The following EPHA6 variants were observed in gnomAD, a reference collection of about 807,000 sequenced individuals.
EPHA6 encodes EPH receptor A6.
In EPHA6, 50 loss-of-function variants were observed where a neutral mutation model predicts 112.0. That is an observed-to-expected ratio of 0.45 (90% confidence interval 0.36 to 0.56). EPHA6 has a LOEUF of 0.56. Ranked by LOEUF, EPHA6 falls within the 20% of genes least tolerant of loss-of-function variation. The probability of loss-of-function intolerance (pLI) is 0.00; values close to 1 mark genes in which losing one functional copy is unlikely to be tolerated. For missense variants in EPHA6, 1,280 were observed against 1,417.4 expected, an observed-to-expected ratio of 0.90 and a Z score of 1.56; for synonymous variants, 529 against 490.7, an observed-to-expected ratio of 1.08 and a Z score of -1.03.
At chr3:96,924,118 C>T (rs1288817994) in intron 2 of EPHA6, among the ~76,000 whole-genome samples, 1 of 151,926 alleles carries the variant, frequency 6.6e-6, no homozygotes, top group Non-Finnish European at 1.5e-5. Flanking sequence ...GATTGTTTGG[C>T]CATTTGGGCT....
intron 3 of EPHA6, among the ~76,000 whole-genome samples, chr3:97,058,295 T>G (rs9880382): frequency 0.02 from 3,097 of 151,838 alleles, 56 homozygotes; most frequent in African/African-American, 0.049. Context: ...GAGTTTTTTT[T>G]TTGTTGTTGT....
chr3:97,007,326 C>G lies in EPHA6; in HGVS notation c.1114+19333C>G, dbSNP rs377766032. Among the ~76,000 whole-genome samples, 15 of 152,206 alleles carry G rather than the reference C, an allele frequency of 9.9e-5. No homozygotes were observed. In the East Asian group the frequency reaches 2.5e-3, roughly 25 times the overall value. ...TATATATTCAGAATAGTTAGCTCTT[C>G]TTGTTGAATTATTGCCTTTACCATT... On this transcript the variant is annotated intron_variant, in intron 3 of 17. Coordinates refer to ENST00000389672, the MANE Select transcript of EPHA6 (RefSeq NM_001080448.3).
intron 1 of EPHA6, among the ~76,000 whole-genome samples, chr3:96,840,515 C>T (rs1473096316): frequency 1.3e-5 from 2 of 151,972 alleles, no homozygotes; most frequent in Non-Finnish European, 1.5e-5. Flanking sequence ...GGCCTGTAGT[C>T]GTGAGCAAGA....
At chr3:96,898,460 T>C (rs1575966164) in intron 2 of EPHA6, among the ~76,000 whole-genome samples, 2 of 152,166 alleles carry the variant, frequency 1.3e-5, no homozygotes, top group South Asian at 2.1e-4. Context: ...CAGCTACCAC[T>C]TGTCTGACCT....
At chr3:97,138,917 T>A (rs577665781) in intron 3 of EPHA6, among the ~76,000 whole-genome samples, 1 of 152,264 alleles carries the variant, frequency 6.6e-6, no homozygotes, top group East Asian at 1.9e-4. Context: ...CCCTCTGGAT[T>A]TGGGGTGTGA....
rs1006024400 is a variant in EPHA6 at position 97,754,044 on chromosome 3, A to T, written c.*5343A>T. 6.6e-6 allele frequency among the ~76,000 whole-genome samples: 1 copy of T among 151,880 alleles called. No individual in the cohort carries two copies. The highest frequency in any genetic ancestry group is 6.6e-5 in the Admixed American group (1 of 15,262). Reference sequence around the variant, plus strand: ...AGTAATAAATTAGCTTCAAATTAACAATGAGTTTGTATAAAATGTATAAAA... The same window carrying T: ...AGTAATAAATTAGCTTCAAATTAACTATGAGTTTGTATAAAATGTATAAAA... On this transcript the variant is annotated 3_prime_UTR_variant, in exon 18 of 18. Transcript: ENST00000389672.
At chr3:97,095,766 TA>T (rs59473424) in intron 3 of EPHA6, among the ~76,000 whole-genome samples, 4,618 of 143,326 alleles carry the variant, frequency 0.032, 243 homozygotes, top group African/African-American at 0.11. Context: ...TGTTAAAAAA[TA>T]AAAAAAAAAA....
At chr3:97,259,249 A>G (rs960891896) in intron 5 of EPHA6, among the ~76,000 whole-genome samples, 2 of 152,210 alleles carry the variant, frequency 1.3e-5, no homozygotes, top group Non-Finnish European at 2.9e-5. Flanking sequence ...AAAAAAATCT[A>G]TGTAAATAGA....
intron 16 of EPHA6, chr3:97,745,538 T>C (rs922654189): frequency 8.9e-5 from 28 of 315,160 alleles, no homozygotes; most frequent in African/African-American, 3.2e-4. Flanking sequence ...AGACCCAATA[T>C]TGACTACAGT....
intron 3 of EPHA6, among the ~76,000 whole-genome samples, chr3:97,197,106 GC>G (rs1347363922): frequency 2.6e-5 from 4 of 152,008 alleles, no homozygotes; most frequent in South Asian, 4.1e-4. Flanking sequence ...CAGAAATTCT[GC>G]CCAGGAGGCA....
chr3:97,422,146 A>AG (rs1282674726), intron 6 of EPHA6, among the ~76,000 whole-genome samples: 114 of 148,870 alleles, frequency 7.7e-4, no homozygotes, highest in East Asian at 7.7e-4. Context: ...TCAAAAAAAA[A>AG]AAAAAAAAAA....
intron 2 of EPHA6, among the ~76,000 whole-genome samples, chr3:96,868,271 G>A (rs1402677237): frequency 1.3e-5 from 2 of 151,240 alleles, no homozygotes; most frequent in African/African-American, 2.4e-5. Flanking sequence ...TTAAAAATAT[G>A]CAATTTATTT....
chr3:97,615,769 A>G (rs1412549505), intron 13 of EPHA6, among the ~76,000 whole-genome samples: 1 of 152,088 alleles, frequency 6.6e-6, no homozygotes, highest in East Asian at 1.9e-4. Context: ...GGGCATCCCA[A>G]CTGGGCCCTC....
rs1202294337 is a variant in EPHA6 at position 97,757,643 on chromosome 3, G to A, written c.*8942G>A. Reference sequence around the variant, plus strand: ...ATAAAAAAGGAACTTACTTGATACCGTCTTTTAGCATCAATTTATCTTGTT... The same window carrying A: ...ATAAAAAAGGAACTTACTTGATACCATCTTTTAGCATCAATTTATCTTGTT... On this transcript the variant is annotated 3_prime_UTR_variant, in exon 18 of 18. Coordinates refer to ENST00000389672, the MANE Select transcript of EPHA6 (RefSeq NM_001080448.3). Among the ~76,000 whole-genome samples the A allele has an allele frequency of 2.6e-5, 4 of 151,606 alleles. No homozygotes were observed. Among genetic ancestry groups the A allele is most frequent in the South Asian group, 2.1e-4 (1 of 4,828 alleles).
At chr3:96,855,953 A>G (rs990345634) in intron 1 of EPHA6, among the ~76,000 whole-genome samples, 5 of 152,072 alleles carry the variant, frequency 3.3e-5, no homozygotes, top group Non-Finnish European at 7.4e-5. Context: ...GGTGGCTTTC[A>G]CCTGTAATCA....
At chr3:97,650,946 A>G (rs2094103968) in intron 14 of EPHA6, among the ~76,000 whole-genome samples, 1 of 151,904 alleles carries the variant, frequency 6.6e-6, no homozygotes, top group African/African-American at 2.4e-5. Context: ...AGAAACTCCA[A>G]CTTTCTTTTC....
At position 97,589,517 on chromosome 3, in the gene EPHA6, ATTTTGAGAAATAATT is replaced by A. The variant is rs554585246; in HGVS notation, c.2387-3090_2387-3076del. Among the ~76,000 whole-genome samples the A allele has an allele frequency of 2.0e-3, 297 of 152,274 alleles. 1 individual carries two copies. Among genetic ancestry groups the A allele is most frequent in the African/African-American group, 6.7e-3 (278 of 41,548 alleles). The stretch of plus-strand genomic sequence containing the variant: ...GTATTTCTCAGTGGGTACTACTAGC[ATTTTGAGAAATAATT>A]TTTTTTCAGAGATTATACAACTTAT... On this transcript the variant is annotated intron_variant, in intron 11 of 17. Coordinates refer to ENST00000389672, the MANE Select transcript of EPHA6 (RefSeq NM_001080448.3).
intron 3 of EPHA6, among the ~76,000 whole-genome samples, chr3:97,139,583 A>G (rs893837984): frequency 2.6e-5 from 4 of 152,170 alleles, no homozygotes; most frequent in African/African-American, 9.7e-5. Flanking sequence ...ATGTATAACC[A>G]AGGAATTCAT....
At chr3:97,512,378 G>A (rs923219498) in intron 10 of EPHA6, among the ~76,000 whole-genome samples, 1 of 152,104 alleles carries the variant, frequency 6.6e-6, no homozygotes, top group Non-Finnish European at 1.5e-5. Context: ...TTAAGGACTA[G>A]CATAGTATCA....
Sources: gnomAD v4.1 joint callset for allele counts (sites outside exome capture counted in the v4.1 genomes callset) on GRCh38, gnomAD v4.1.1 for gene constraint, MANE v1.5 for transcripts, NCBI Gene and HGNC (gene_info 2026-07-23, HGNC 2026-07-21) for gene names.